Variants in RELN observed in about 807,000 individuals in gnomAD.
RELN encodes reelin.
RELN carries 108 observed loss-of-function variants against 427.6 expected under a neutral mutation model. The observed-to-expected ratio is 0.25, with a 90% CI of 0.22 to 0.30. RELN has a LOEUF of 0.30. Among genes scored for constraint, RELN ranks in the 10% least tolerant of loss-of-function variants. The pLI is 1.00. For missense variants in RELN, 3,715 were observed against 4,302.8 expected (o/e 0.86, Z 3.82); for synonymous variants, 1,524 against 1,513.4 (o/e 1.01, Z -0.16).
chr7:103,854,328 T>C (rs1793893183), intron 2 of RELN, among the ~76,000 whole-genome samples: 1 of 152,206 alleles, frequency 6.6e-6, no homozygotes, highest in Non-Finnish European at 1.5e-5. Flanking sequence ...TATTTTCCCT[T>C]GTACTTTAAA....
intron 1 of RELN, among the ~76,000 whole-genome samples, chr7:103,958,501 T>C (rs770730190): frequency 2.0e-5 from 3 of 152,096 alleles, no homozygotes; most frequent in Non-Finnish European, 4.4e-5. Flanking sequence ...CACTCAATCA[T>C]CTCCCACTCC....
chr7:103,503,744 G>T (rs1316284081), intron 51 of RELN, among the ~76,000 whole-genome samples: 1 of 152,174 alleles, frequency 6.6e-6, no homozygotes, highest in African/African-American at 2.4e-5. Context: ...TGACACTGCT[G>T]TTAATACAGT....
chr7:103,757,647 TA>T (rs1306546191), intron 4 of RELN, among the ~76,000 whole-genome samples: 1 of 152,176 alleles, frequency 6.6e-6, no homozygotes, highest in Non-Finnish European at 1.5e-5. Context: ...AACAGAAGTG[TA>T]AAAAGATATC....
At chr7:103,974,790 T>C (rs1032510361) in intron 1 of RELN, among the ~76,000 whole-genome samples, 1 of 152,268 alleles carries the variant, frequency 6.6e-6, no homozygotes, top group Non-Finnish European at 1.5e-5. Context: ...GTTTCTATCC[T>C]TCCCACTATT....
chr7:103,878,651 C>G (rs9656085), intron 2 of RELN, among the ~76,000 whole-genome samples: 19,577 of 152,064 alleles, frequency 0.13, 1,516 homozygotes, highest in East Asian at 0.39. Context: ...AAAGTTAGCT[C>G]CAACAGATAT....
chr7:103,849,248 T>C (rs1318336315), intron 2 of RELN, among the ~76,000 whole-genome samples: 1 of 152,122 alleles, frequency 6.6e-6, no homozygotes, highest in Non-Finnish European at 1.5e-5. Context: ...CAACAAGGAG[T>C]CATTATTGAT....
intron 1 of RELN, among the ~76,000 whole-genome samples, chr7:103,919,875 A>T (rs1050797382): frequency 6.6e-6 from 1 of 152,214 alleles, no homozygotes; most frequent in African/African-American, 2.4e-5. Flanking sequence ...ATGATTTTAA[A>T]AACTGAGGTT....
chr7:103,765,610 C>T (rs1047302736), intron 4 of RELN, among the ~76,000 whole-genome samples: 7 of 152,138 alleles, frequency 4.6e-5, no homozygotes, highest in Non-Finnish European at 1.0e-4. Flanking sequence ...TTTCACAAGT[C>T]AAACAAAATT....
chr7:103,515,375 T>C lies in RELN; in HGVS notation c.7929A>G (p.Pro2643=), dbSNP rs377059168. 3 of 1,614,140 alleles carry C rather than the reference T, an allele frequency of 1.9e-6. No individual in the cohort carries two copies. The highest frequency in any genetic ancestry group is 1.3e-5 in the African/African-American group (1 of 75,042). Reference sequence around the variant, plus strand: ...CGTTCTGATCCAGGCCGTCATGTCTTGGCTGCCACCAGCGGAAGCGAGTGG... The same window carrying C: ...CGTTCTGATCCAGGCCGTCATGTCTCGGCTGCCACCAGCGGAAGCGAGTGG... ...EIATRFRWWQ[P]RHDGLDQNDW... Residue 2643 remains proline, a synonymous_variant, in exon 50 of 65, where the codon CCA becomes CCG. Transcript: ENST00000428762.
At chr7:103,872,052 C>A (rs28400383) in intron 2 of RELN, among the ~76,000 whole-genome samples, 2,968 of 83,038 alleles carry the variant, frequency 0.036, 57 homozygotes, top group African/African-American at 0.075. Flanking sequence ...TCTTTTTTTT[C>A]TTTTTTTATT....
chr7:103,916,143 T>A (rs970523788), intron 2 of RELN, among the ~76,000 whole-genome samples: 13 of 152,158 alleles, frequency 8.5e-5, no homozygotes, highest in Non-Finnish European at 1.5e-5. Flanking sequence ...CAATGCAGCA[T>A]CAACACTGTT....
chr7:103,839,597 G>T (rs899463078), intron 2 of RELN, among the ~76,000 whole-genome samples: 1 of 152,044 alleles, frequency 6.6e-6, no homozygotes, highest in African/African-American at 2.4e-5. Flanking sequence ...AAATAAAGCA[G>T]CTAGAAAAGA....
intron 3 of RELN, among the ~76,000 whole-genome samples, chr7:103,808,267 G>A (rs1015906607): frequency 2.0e-5 from 3 of 150,650 alleles, no homozygotes; most frequent in Admixed American, 6.6e-5. Context: ...GTTGTGGGGT[G>A]TGGGGAGGGG....
At chr7:103,834,401 C>T (rs1448232099) in intron 2 of RELN, among the ~76,000 whole-genome samples, 1 of 152,106 alleles carries the variant, frequency 6.6e-6, no homozygotes, top group African/African-American at 2.4e-5. Context: ...TTGTTTTTGC[C>T]TCATAACATC....
intron 2 of RELN, among the ~76,000 whole-genome samples, chr7:103,873,802 T>C (rs1563064206): frequency 7.9e-6 from 1 of 126,408 alleles, no homozygotes; most frequent in African/African-American, 2.8e-5. Context: ...TACCATTCCT[T>C]CTGAAACTAT....
At chr7:103,971,749 C>T (rs921786653) in intron 1 of RELN, among the ~76,000 whole-genome samples, 12 of 152,096 alleles carry the variant, frequency 7.9e-5, no homozygotes, top group Admixed American at 6.5e-5. Flanking sequence ...AGTATTTGAG[C>T]ATCACTGAAT....
intron 10 of RELN, among the ~76,000 whole-genome samples, chr7:103,690,237 G>T (rs10435337): frequency 0.21 from 31,362 of 151,926 alleles, 3,944 homozygotes; most frequent in South Asian, 0.37. Context: ...TCTGCCCAAG[G>T]TGATACGTTG....
chr7:103,489,344 G>C (rs1828569297), intron 60 of RELN, among the ~76,000 whole-genome samples: 1 of 152,090 alleles, frequency 6.6e-6, no homozygotes, highest in Non-Finnish European at 1.5e-5. Context: ...GGTCAAGTAT[G>C]TAGGCACAGG....
At chr7:103,491,398 T>C (rs1428236047) in intron 58 of RELN, among the ~76,000 whole-genome samples, 3 of 152,196 alleles carry the variant, frequency 2.0e-5, no homozygotes, top group Non-Finnish European at 4.4e-5. Context: ...ATTTAAAATA[T>C]AAAGTTTCTT....
Sources: allele counts gnomAD v4.1 joint callset (sites outside exome capture counted in the v4.1 genomes callset), GRCh38; gene constraint gnomAD v4.1.1; transcripts MANE v1.5; gene names NCBI Gene and HGNC (gene_info 2026-07-23, HGNC 2026-07-21).